The following PRKG2 variants were observed in gnomAD, a reference collection of about 807,000 sequenced individuals.
PRKG2 encodes the protein protein kinase cGMP-dependent 2.
Under a neutral mutation model 97.2 loss-of-function variants are expected in PRKG2, and 33 were observed. That is an observed-to-expected ratio of 0.34 (90% CI 0.26 to 0.45). The LOEUF (loss-of-function observed/expected upper bound fraction) is 0.45, where lower values mean the gene tolerates loss of function less well. Ranked by LOEUF, PRKG2 falls within the 20% of genes least tolerant of loss-of-function variation. The probability of loss-of-function intolerance (pLI) is 1.00; values close to 1 mark genes in which losing one functional copy is unlikely to be tolerated. For synonymous variants in PRKG2, 330 were observed against 321.8 expected (o/e 1.03, Z -0.27); for missense variants, 638 against 900.0 (o/e 0.71, Z 3.73).
intron 14 of PRKG2, among the ~76,000 whole-genome samples, chr4:81,123,439 C>T (rs960256637): frequency 2.0e-5 from 3 of 152,194 alleles, no homozygotes; most frequent in Admixed American, 2.0e-4. Flanking sequence ...GAGTCTTGCT[C>T]TGTTGCCCAG....
chr4:81,201,637 A>C (rs1753321485), intron 2 of PRKG2, among the ~76,000 whole-genome samples: 1 of 152,208 alleles, frequency 6.6e-6, no homozygotes, highest in South Asian at 2.1e-4. Context: ...ATATCTAAGC[A>C]CAGGTACCTT....
At chr4:81,180,842 T>C (rs1751344151) in intron 2 of PRKG2, among the ~76,000 whole-genome samples, 1 of 152,172 alleles carries the variant, frequency 6.6e-6, no homozygotes, top group South Asian at 2.1e-4. Flanking sequence ...TTTTTTATTA[T>C]TATTATTGTA....
intron 1 of PRKG2, among the ~76,000 whole-genome samples, chr4:81,208,222 G>C (rs1242637866): frequency 1.3e-5 from 2 of 152,010 alleles, no homozygotes; most frequent in Non-Finnish European, 2.9e-5. Flanking sequence ...CATCTCGTAG[G>C]GTTACTATGA....
chr4:81,135,389 T>C (rs1029019023), intron 13 of PRKG2, 93 bp from the exon 14 acceptor site: 2 of 1,316,630 alleles, frequency 1.5e-6, no homozygotes, highest in East Asian at 4.9e-5. Flanking sequence ...GGCAGGTTTA[T>C]GCAATATAAA....
At chr4:81,196,560 A>T (rs145908423) in intron 2 of PRKG2, among the ~76,000 whole-genome samples, 1 of 152,228 alleles carries the variant, frequency 6.6e-6, no homozygotes, top group East Asian at 1.9e-4. Context: ...TCTTTCTCTC[A>T]TATTTCCCAG....
intron 14 of PRKG2, among the ~76,000 whole-genome samples, chr4:81,126,559 G>A (rs1745588611): frequency 6.6e-6 from 1 of 152,124 alleles, no homozygotes; most frequent in Non-Finnish European, 1.5e-5. Context: ...ACTTCTTAAT[G>A]ATTGCCCTTC....
chr4:81,154,428 C>G (rs1164334504), intron 6 of PRKG2, among the ~76,000 whole-genome samples: 1 of 151,068 alleles, frequency 6.6e-6, no homozygotes, highest in Non-Finnish European at 1.5e-5. Context: ...GATCTGAGAA[C>G]GGGCAGACTG....
At chr4:81,201,917 T>C (rs575330016) in intron 2 of PRKG2, among the ~76,000 whole-genome samples, 1 of 152,300 alleles carries the variant, frequency 6.6e-6, no homozygotes, top group African/African-American at 2.4e-5. Flanking sequence ...CAAAATGTAG[T>C]TGATGTGTAT....
chr4:81,093,869 A>C (rs578117746), intron 17 of PRKG2, among the ~76,000 whole-genome samples: 13 of 152,320 alleles, frequency 8.5e-5, no homozygotes, highest in African/African-American at 3.1e-4. Flanking sequence ...TCAGGATCTT[A>C]TAATAAGAAC....
rs1402898510 is a variant in PRKG2 at position 81,091,051 on chromosome 4, C to T, written c.2194-1248G>A. Among the ~76,000 whole-genome samples the T allele has an allele frequency of 4.0e-5, 6 of 151,894 alleles. No homozygotes were observed. The East Asian group carries it at 7.7e-4, about 20-fold the overall frequency. ...TATCACAAATTTTAAATCTAAAATT[C>T]GAAGGCATTTAAAGAATGATCAAGA... On this transcript the variant is annotated intron_variant, in intron 18 of 18. Coordinates refer to ENST00000264399, the MANE Select transcript of PRKG2 (RefSeq NM_006259.3).
intron 9 of PRKG2, among the ~76,000 whole-genome samples, chr4:81,146,671 CA>C (rs1227728618): frequency 6.6e-6 from 1 of 152,178 alleles, no homozygotes; most frequent in Non-Finnish European, 1.5e-5. Flanking sequence ...TCCCATATGC[CA>C]AGGACTATGT....
intron 12 of PRKG2, 143 bp from the exon 13 acceptor site, chr4:81,137,625 G>C (rs562659371): frequency 2.2e-5 from 14 of 634,790 alleles, no homozygotes; most frequent in Admixed American, 1.9e-4. Flanking sequence ...TGGGCTTCTC[G>C]CCAAATCCTC....
chr4:81,107,927 G>A (rs1293460569), intron 15 of PRKG2, among the ~76,000 whole-genome samples: 3 of 152,070 alleles, frequency 2.0e-5, no homozygotes, highest in Non-Finnish European at 2.9e-5. Flanking sequence ...TTTCGAGGCC[G>A]GGCATGGTGG....
chr4:81,154,430 G>A (rs573892326), intron 6 of PRKG2, among the ~76,000 whole-genome samples: 1 of 151,186 alleles, frequency 6.6e-6, no homozygotes, highest in African/African-American at 2.5e-5. Context: ...TCTGAGAACG[G>A]GCAGACTGCC....
At chr4:81,110,151 T>G (rs546719872) in intron 15 of PRKG2, among the ~76,000 whole-genome samples, 45 of 152,286 alleles carry the variant, frequency 3.0e-4, no homozygotes, top group African/African-American at 1.1e-3. Context: ...CTCTTATTAT[T>G]ATGCTGAATT....
chr4:81,138,252 T>C (rs28665590), intron 12 of PRKG2, among the ~76,000 whole-genome samples: 9,335 of 152,212 alleles, frequency 0.061, 988 homozygotes, highest in African/African-American at 0.21. Flanking sequence ...AAGCGGGACG[T>C]AGGCAGGGCA....
intron 14 of PRKG2, among the ~76,000 whole-genome samples, chr4:81,121,949 C>T (rs1039350147): frequency 6.6e-5 from 10 of 152,100 alleles, no homozygotes; most frequent in African/African-American, 2.4e-4. Context: ...TTCTTATACT[C>T]AATATAAGTA....
At chr4:81,122,664 C>T (rs568677556) in intron 14 of PRKG2, among the ~76,000 whole-genome samples, 4 of 152,228 alleles carry the variant, frequency 2.6e-5, no homozygotes, top group East Asian at 1.9e-4. Flanking sequence ...ACAAACAGAC[C>T]AGCAAACTTT....
At chr4:81,215,843 G>T (rs1754252134), upstream of PRKG2, among the ~76,000 whole-genome samples, 1 of 151,806 alleles carries the variant, frequency 6.6e-6, no homozygotes, top group Non-Finnish European at 1.5e-5. Flanking sequence ...GAGCTTTCTT[G>T]ATCACCCAAG....
Sources: gnomAD v4.1 joint callset for allele counts (sites outside exome capture counted in the v4.1 genomes callset) on GRCh38, gnomAD v4.1.1 for gene constraint, MANE v1.5 for transcripts, NCBI Gene and HGNC (gene_info 2026-07-23, HGNC 2026-07-21) for gene names.